Variants in RBMS3 observed in about 807,000 individuals in gnomAD.
RBMS3 encodes RNA binding motif single stranded interacting protein 3, also known as RNA-binding motif, single-stranded-interacting protein 3.
Under a neutral mutation model 66.8 loss-of-function variants are expected in RBMS3, and 27 were observed. The ratio of observed to expected loss-of-function variants is 0.40; its 90% CI spans 0.30 to 0.56. The LOEUF is 0.56. RBMS3 is among the 20% of genes least tolerant of loss of function. The pLI is 0.40. For synonymous variants in RBMS3, 188 were observed against 183.0 expected (o/e 1.03, Z -0.22); for missense variants, 513 against 549.5 (o/e 0.93, Z 0.66).
intron 5 of RBMS3, among the ~76,000 whole-genome samples, chr3:29,745,388 G>A (rs2149357520): frequency 6.6e-6 from 1 of 152,124 alleles, no homozygotes; most frequent in East Asian, 1.9e-4. Context: ...CTACTGCAGA[G>A]CTAGTGAATG....
chr3:29,994,342 G>A (rs1342622155), intron 14 of RBMS3, among the ~76,000 whole-genome samples: 1 of 152,232 alleles, frequency 6.6e-6, no homozygotes, highest in Non-Finnish European at 1.5e-5. Context: ...AGGCGGCAGT[G>A]AGGCTGGGGG....
chr3:29,873,928 T>G (rs2059550183), intron 7 of RBMS3, among the ~76,000 whole-genome samples: 1 of 152,326 alleles, frequency 6.6e-6, no homozygotes, highest in East Asian at 1.9e-4. Context: ...TGCATGCCAG[T>G]GATGAAGCCT....
chr3:29,281,766 G>A lies in RBMS3; in HGVS notation c.75+10G>A. The A allele has an allele frequency of 1.2e-6, 2 of 1,606,780 alleles. No individual in the cohort carries two copies. Among genetic ancestry groups the A allele is most frequent in the African/African-American group, 1.3e-5 (1 of 74,800 alleles). ...TTATCTCCAAACCAAGGTATGGCTT[G>A]ACCCACGGTCTGGCGATCAGCGTGG... On this transcript the variant is annotated intron_variant, in intron 1 of 14. Coordinates refer to ENST00000383767, the MANE Select transcript of RBMS3 (RefSeq NM_001003793.3).
At chr3:29,428,220 A>G (rs543043839) in intron 1 of RBMS3, among the ~76,000 whole-genome samples, 1 of 152,092 alleles carries the variant, frequency 6.6e-6, no homozygotes, top group East Asian at 1.9e-4. Flanking sequence ...AGATTTCCCA[A>G]CCCTACAGGG....
At chr3:29,317,687 G>A (rs1012897623) in intron 1 of RBMS3, among the ~76,000 whole-genome samples, 3 of 151,790 alleles carry the variant, frequency 2.0e-5, no homozygotes, top group African/African-American at 7.2e-5. Context: ...GAAGATTTGA[G>A]AAGAAATAAT....
At chr3:29,816,561 T>A (rs9842503) in intron 6 of RBMS3, among the ~76,000 whole-genome samples, 3,975 of 152,272 alleles carry the variant, frequency 0.026, 171 homozygotes, top group African/African-American at 0.09. Flanking sequence ...GATTGTTATT[T>A]GCTCTGTTGA....
intron 1 of RBMS3, among the ~76,000 whole-genome samples, chr3:29,346,843 G>C (rs536784924): frequency 2.9e-4 from 44 of 152,324 alleles, no homozygotes; most frequent in Admixed American, 5.9e-4. Context: ...AAAAGCAAAT[G>C]TATGCTATTG....
intron 6 of RBMS3, among the ~76,000 whole-genome samples, chr3:29,843,103 T>C (rs879232630): frequency 1.3e-5 from 2 of 152,250 alleles, no homozygotes; most frequent in Admixed American, 1.3e-4. Context: ...TCTATGATAG[T>C]GCTTAGCACT....
chr3:29,780,958 G>T (rs562771490), intron 6 of RBMS3, among the ~76,000 whole-genome samples: 2 of 151,840 alleles, frequency 1.3e-5, no homozygotes, highest in Non-Finnish European at 2.9e-5. Flanking sequence ...AACAGTTCTT[G>T]TTTTATTTTA....
At chr3:29,623,017 T>C (rs556962716) in intron 4 of RBMS3, among the ~76,000 whole-genome samples, 1 of 148,346 alleles carries the variant, frequency 6.7e-6, no homozygotes, top group East Asian at 2.0e-4. Context: ...CTAGGGAGGC[T>C]GAGGAAGGAG....
chr3:29,538,622 A>G (rs912447826), intron 3 of RBMS3, among the ~76,000 whole-genome samples: 12 of 152,170 alleles, frequency 7.9e-5, no homozygotes, highest in African/African-American at 2.9e-4. Context: ...TTATGGGTAG[A>G]TTTATGTTTC....
At chr3:29,994,929 C>T (rs1329137759) in intron 14 of RBMS3, among the ~76,000 whole-genome samples, 1 of 152,220 alleles carries the variant, frequency 6.6e-6, no homozygotes, top group Non-Finnish European at 1.5e-5. Flanking sequence ...TGGAGAATGA[C>T]TTTGACGAGC....
intron 3 of RBMS3, among the ~76,000 whole-genome samples, chr3:29,571,844 A>G (rs918065447): frequency 6.6e-6 from 1 of 152,210 alleles, no homozygotes; most frequent in Admixed American, 6.5e-5. Flanking sequence ...ACTGCATTGA[A>G]TCAGTAGATT....
At position 29,991,438 on chromosome 3, in the gene RBMS3, T is replaced by G. The variant is rs1206225698; in HGVS notation, c.1307+229T>G. The G allele has an allele frequency of 7.1e-6, 4 of 565,082 alleles. No homozygotes were observed. The Admixed American group carries it at 1.4e-4, about 19-fold the overall frequency. The allele number at this position is 565,082 out of a possible 1,614,324, so 35.0% of individuals were successfully genotyped here. A position where few individuals can be genotyped will look rare whatever the true frequency, so the allele number is the denominator to read the frequency against. ...TCTAGGAACAGCTGCTGATTATCTA[T>G]GCATCTCTGCTTCTGGGTGTTGCTA... is the stretch of plus-strand genomic sequence containing the variant. On this transcript the variant is annotated intron_variant, in intron 14 of 14. Coordinates refer to ENST00000383767, the MANE Select transcript of RBMS3 (RefSeq NM_001003793.3).
At chr3:29,344,718 T>C (rs1033145673) in intron 1 of RBMS3, among the ~76,000 whole-genome samples, 1 of 152,158 alleles carries the variant, frequency 6.6e-6, no homozygotes. Flanking sequence ...AGGTAGTCAC[T>C]GGTATTTTTC....
intron 10 of RBMS3, among the ~76,000 whole-genome samples, chr3:29,925,818 G>A (rs556135715): frequency 1.2e-4 from 18 of 152,194 alleles, no homozygotes; most frequent in South Asian, 6.2e-4. Flanking sequence ...CAGGCCATAC[G>A]TTAAGAAACA....
At chr3:29,643,047 C>G (rs1257349631) in intron 4 of RBMS3, among the ~76,000 whole-genome samples, 2 of 152,088 alleles carry the variant, frequency 1.3e-5, no homozygotes, top group Non-Finnish European at 2.9e-5. Flanking sequence ...TGAATAAACT[C>G]AAGTCCATTG....
intron 1 of RBMS3, among the ~76,000 whole-genome samples, chr3:29,286,036 C>G (rs2032301637): frequency 6.6e-6 from 1 of 152,102 alleles, no homozygotes; most frequent in Admixed American, 6.5e-5. Context: ...TTAAAACAGC[C>G]TTGAAAACTC....
chr3:29,693,097 T>G (rs1295173908), intron 4 of RBMS3, among the ~76,000 whole-genome samples: 1 of 152,176 alleles, frequency 6.6e-6, no homozygotes, highest in Non-Finnish European at 1.5e-5. Flanking sequence ...TAAAGTGGTT[T>G]TTTACTGAGA....
Sources: gnomAD v4.1 joint callset for allele counts (sites outside exome capture counted in the v4.1 genomes callset) on GRCh38, gnomAD v4.1.1 for gene constraint, MANE v1.5 for transcripts, NCBI Gene and HGNC (gene_info 2026-07-23, HGNC 2026-07-21) for gene names.